Variants in SHC4 observed in about 807,000 individuals in gnomAD.
SHC4 encodes SHC adaptor protein 4.
In SHC4, 41 loss-of-function variants were observed where a neutral mutation model predicts 69.4. The observed-to-expected ratio is 0.59, with a 90% CI of 0.46 to 0.77. The LOEUF is 0.77. Among genes scored for constraint, SHC4 ranks in the 30% least tolerant of loss-of-function variants. The pLI is 0.00. For synonymous variants in SHC4, 318 were observed against 299.3 expected (o/e 1.06, Z -0.64); for missense variants, 777 against 783.8 (o/e 0.99, Z 0.10).
Position 48,838,807 on chromosome 15 carries a change from A to G in SHC4, c.1484-3785T>C, listed in dbSNP as rs547463966. ...GGGAAAAGAGGAGACTACTCAATCA[A>G]TAGTGTTTGGAAAATTGACAAACAT... On this transcript the variant is annotated intron_variant, in intron 10 of 11. Coordinates refer to ENST00000332408, the MANE Select transcript of SHC4 (RefSeq NM_203349.4). 2.2e-3 allele frequency among the ~76,000 whole-genome samples: 333 copies of G among 152,292 alleles called. 2 individuals carry two copies. The highest frequency in any genetic ancestry group is 2.9e-3 in the Admixed American group (44 of 15,296).
intron 1 of SHC4, among the ~76,000 whole-genome samples, chr15:48,943,174 T>C (rs935913060): frequency 6.6e-6 from 1 of 152,178 alleles, no homozygotes; most frequent in Admixed American, 6.6e-5. Flanking sequence ...CTAACAATAG[T>C]CCTCATGCTG....
chr15:48,946,135 G>C (rs1484465706), intron 1 of SHC4: 5 of 152,326 alleles, frequency 3.3e-5, no homozygotes, highest in South Asian at 2.1e-4. Flanking sequence ...TTACTGGTGA[G>C]TGTTGACAAT....
intron 11 of SHC4, among the ~76,000 whole-genome samples, chr15:48,830,298 A>G (rs1898772885): frequency 6.6e-6 from 1 of 152,242 alleles, no homozygotes; most frequent in Non-Finnish European, 1.5e-5. Context: ...CTTCAATCAC[A>G]TACAAATACT....
intron 2 of SHC4, among the ~76,000 whole-genome samples, chr15:48,916,732 C>A (rs1900629597): frequency 6.6e-6 from 1 of 152,094 alleles, no homozygotes; most frequent in African/African-American, 2.4e-5. Flanking sequence ...CTTCATAGAC[C>A]CCCAGGGTGG....
intron 10 of SHC4, among the ~76,000 whole-genome samples, chr15:48,841,341 G>A (rs1300552955): frequency 1.3e-5 from 2 of 152,190 alleles, no homozygotes; most frequent in African/African-American, 4.8e-5. Context: ...TTGCACAGTT[G>A]AGTAAGCTTA....
At chr15:48,936,661 T>C (rs1901076774) in intron 1 of SHC4, among the ~76,000 whole-genome samples, 1 of 152,180 alleles carries the variant, frequency 6.6e-6, no homozygotes, top group African/African-American at 2.4e-5. Context: ...CAATTAAACC[T>C]CTTTTCTTTA....
At chr15:48,861,234 G>A (rs1228627884) in intron 6 of SHC4, among the ~76,000 whole-genome samples, 1 of 152,148 alleles carries the variant, frequency 6.6e-6, no homozygotes, top group Non-Finnish European at 1.5e-5. Flanking sequence ...AAGTAGCTGG[G>A]ACTACAGGCA....
At chr15:48,955,056 A>G (rs1310962690) in intron 1 of SHC4, among the ~76,000 whole-genome samples, 2 of 152,192 alleles carry the variant, frequency 1.3e-5, no homozygotes, top group Non-Finnish European at 2.9e-5. Context: ...CAACATTGTT[A>G]CAATGAGAAA....
At chr15:48,839,488 GA>G (rs112214462) in intron 10 of SHC4, among the ~76,000 whole-genome samples, 28,629 of 152,022 alleles carry the variant, frequency 0.19, 3,004 homozygotes, top group Middle Eastern at 0.28. Context: ...GATGACAGTG[GA>G]CACCAAAAGT....
intron 9 of SHC4, among the ~76,000 whole-genome samples, chr15:48,846,809 C>A (rs1455062131): frequency 1.3e-5 from 2 of 152,160 alleles, no homozygotes; most frequent in African/African-American, 4.8e-5. Flanking sequence ...AACCCCACCA[C>A]GTTTTGAAGA....
chr15:48,952,137 A>G (rs1567077931), intron 1 of SHC4, among the ~76,000 whole-genome samples: 2 of 152,340 alleles, frequency 1.3e-5, no homozygotes, highest in East Asian at 1.9e-4. Context: ...TGGCCTTTCA[A>G]GGAGCCAGGA....
intron 4 of SHC4, chr15:48,878,048 G>A (rs1275600767): frequency 1.2e-5 from 15 of 1,215,548 alleles, no homozygotes; most frequent in Non-Finnish European, 1.7e-5. Flanking sequence ...AGTAGGAGGC[G>A]GTACCTGAGG....
rs546836333 is a variant in SHC4 at position 48,856,191 on chromosome 15, G to A, written c.1071-67C>T. On this transcript the variant is annotated intron_variant, in intron 7 of 11. Transcript: ENST00000332408. ...TCAAATACTGTAAGGGATGCAAGGGGATCAGAACCAAGCAAATCATCCTGA... is the reference window on the plus strand; with the variant it reads ...TCAAATACTGTAAGGGATGCAAGGGAATCAGAACCAAGCAAATCATCCTGA... 4 of 1,437,048 alleles carry A rather than the reference G, an allele frequency of 2.8e-6. No homozygotes were observed. In the East Asian group the frequency reaches 9.2e-5, roughly 33 times the overall value. 89.0% of individuals were successfully genotyped at this position (1,437,048 alleles called of 1,614,324 possible). A position where few individuals can be genotyped will look rare whatever the true frequency, so the allele number is the denominator to read the frequency against.
intron 2 of SHC4, among the ~76,000 whole-genome samples, chr15:48,911,635 GT>G (rs1213179660): frequency 1.3e-5 from 2 of 151,756 alleles, no homozygotes; most frequent in East Asian, 1.9e-4. Context: ...GTGTACTTTG[GT>G]TTTTTTTGTT....
At chr15:48,879,001 T>A in intron 4 of SHC4, 1 of 372,680 alleles carries the variant, frequency 2.7e-6, no homozygotes, top group Non-Finnish European at 5.1e-6. Context: ...TTTGACTTTG[T>A]TATTGATCCA....
chr15:48,841,496 G>A (rs1283671716), intron 10 of SHC4, among the ~76,000 whole-genome samples: 3 of 152,238 alleles, frequency 2.0e-5, no homozygotes, highest in Non-Finnish European at 4.4e-5. Flanking sequence ...CAGCTGACCA[G>A]CCCTTCTGGC....
chr15:48,838,822 T>C (rs1019244971), intron 10 of SHC4, among the ~76,000 whole-genome samples: 1 of 151,936 alleles, frequency 6.6e-6, no homozygotes, highest in African/African-American at 2.4e-5. Context: ...GTTTGGAAAA[T>C]TGACAAACAT....
In SHC4 at chr15:48,843,504, G is replaced by A. The variant is rs1899031030; in HGVS notation, c.1388C>T (p.Pro463Leu). The A allele has an allele frequency of 6.2e-7, 1 of 1,613,986 alleles. No homozygotes were observed. Among genetic ancestry groups the A allele is most frequent in the Admixed American group, 1.7e-5 (1 of 59,994 alleles). ...AAGAGCCTGTGTATTAATGTAGCAG[G>A]GGTCATCAAAGAGATCCACTCGGCA... The part of the protein sequence containing the change: ...HTCRVDLFDD[P>L]CYINTQALQS... Residue 463 changes from proline to leucine, a missense_variant, in exon 10 of 12, where the codon CCC becomes CTC. Physicochemically the swap from Pro to Leu is moderately conservative, Grantham distance 98. Transcript: ENST00000332408.
At chr15:48,943,445 A>G (rs1423292105) in intron 1 of SHC4, among the ~76,000 whole-genome samples, 2 of 152,104 alleles carry the variant, frequency 1.3e-5, no homozygotes, top group African/African-American at 4.8e-5. Flanking sequence ...CTTCTTTTTT[A>G]AGGCTGAATA....
Sources: allele counts gnomAD v4.1 joint callset (sites outside exome capture counted in the v4.1 genomes callset), GRCh38; gene constraint gnomAD v4.1.1; transcripts MANE v1.5; gene names NCBI Gene and HGNC (gene_info 2026-07-23, HGNC 2026-07-21).